The following CFAP52 variants were observed in gnomAD, a reference collection of about 807,000 sequenced individuals.
CFAP52 encodes the protein cilia- and flagella-associated protein 52.
In CFAP52, 57 loss-of-function variants were observed where a neutral mutation model predicts 70.5. The ratio of observed to expected loss-of-function variants is 0.81; its 90% CI spans 0.65 to 1.01. The LOEUF (loss-of-function observed/expected upper bound fraction) is 1.01, where lower values mean the gene tolerates loss of function less well. CFAP52 is among the 50% of genes least tolerant of loss of function. The probability of loss-of-function intolerance (pLI) is 0.00; values close to 1 mark genes in which losing one functional copy is unlikely to be tolerated. For missense variants in CFAP52, 785 were observed against 788.5 expected, an observed-to-expected ratio of 1.00 and a Z score of 0.05; for synonymous variants, 267 against 292.5, an observed-to-expected ratio of 0.91 and a Z score of 0.89.
In CFAP52 at chr17:9,623,432, C is replaced by G. The variant is rs149663084; in HGVS notation, c.1026-5240C>G. Among the ~76,000 whole-genome samples the G allele has an allele frequency of 3.3e-3, 506 of 152,188 alleles. 4 individuals are homozygous for G. The highest frequency in any genetic ancestry group is 0.012 in the African/African-American group (484 of 41,534). Reference sequence around the variant, plus strand: ...TTAATCCATTTACATTTAATATAATCTTTCATATGTTTGTATTAAATCTTT... The same window carrying G: ...TTAATCCATTTACATTTAATATAATGTTTCATATGTTTGTATTAAATCTTT... On this transcript the variant is annotated intron_variant, in intron 8 of 13. Transcript: ENST00000352665.
Position 9,586,280 on chromosome 17 carries a change from C to T in CFAP52, c.270+308C>T, listed in dbSNP as rs185352302. Reference sequence around the variant, plus strand: ...TCCGATTTCTAGAAAAGTGATAGAGCGGGCTGGGCGCGGTGGCTCATGCCT... The same window carrying T: ...TCCGATTTCTAGAAAAGTGATAGAGTGGGCTGGGCGCGGTGGCTCATGCCT... On this transcript the variant is annotated intron_variant, in intron 2 of 13. Transcript: ENST00000352665. Among the ~76,000 whole-genome samples, 418 of 151,900 alleles carry T rather than the reference C, an allele frequency of 2.8e-3. 2 individuals are homozygous for T. The highest frequency in any genetic ancestry group is 0.01 in the Middle Eastern group (3 of 294).
At chr17:9,589,801 C>CTTTTTTTTTTTTTT (rs3060109) in intron 3 of CFAP52, 1 of 93,186 alleles carries the variant, frequency 1.1e-5, no homozygotes, top group Non-Finnish European at 1.9e-5. Flanking sequence ...CTTAGCTCAA[C>CTTTTTTTTTTTTTT]TTTTTTTTTT....
Position 9,585,530 on chromosome 17 carries a change from G to A in CFAP52, c.71-243G>A, listed in dbSNP as rs184572959. 4.4e-3 allele frequency among the ~76,000 whole-genome samples: 668 copies of A among 152,232 alleles called. 2 individuals are homozygous for A. Among genetic ancestry groups the A allele is most frequent in the Non-Finnish European group, 6.2e-3 (422 of 68,032 alleles). ...AAAAATACAAAAAAAAATTAGCCAG[G>A]TGTGGTGGCGGGTGCCTGTAATCCC... is the stretch of plus-strand genomic sequence containing the variant. On this transcript the variant is annotated intron_variant, in intron 1 of 13. Coordinates refer to ENST00000352665, the MANE Select transcript of CFAP52 (RefSeq NM_145054.5).
intron 3 of CFAP52, chr17:9,590,415 C>G (rs1479998029): frequency 4.9e-6 from 1 of 205,092 alleles, no homozygotes; most frequent in South Asian, 9.5e-5. Flanking sequence ...GGGGTCCAAC[C>G]AGACCTTCTT....
At chr17:9,578,935 A>G (rs1349691335) in intron 1 of CFAP52, among the ~76,000 whole-genome samples, 1 of 152,100 alleles carries the variant, frequency 6.6e-6, no homozygotes, top group African/African-American at 2.4e-5. Flanking sequence ...TCTCTATTTT[A>G]ACATTAATGC....
At chr17:9,584,763 A>G (rs952585843) in intron 1 of CFAP52, among the ~76,000 whole-genome samples, 22 of 152,002 alleles carry the variant, frequency 1.4e-4, no homozygotes, top group Non-Finnish European at 2.4e-4. Context: ...CTGGGATTAC[A>G]GGTGCCCACC....
Position 9,576,706 on chromosome 17 carries a change from A to G in CFAP52, c.11A>G (p.Lys4Arg). 1 of 1,612,226 alleles carries G rather than the reference A, an allele frequency of 6.2e-7. No individual in the cohort carries two copies. The highest frequency in any genetic ancestry group is 8.5e-7 in the Non-Finnish European group (1 of 1,179,130). The change falls in exon 1 of 14, where the codon AAA becomes AGA. Residue 4 changes from lysine (K) to arginine (R), a missense_variant. By Grantham distance (26) the Lys-to-Arg change is conservative (BLOSUM62 2). Coordinates refer to ENST00000352665, the MANE Select transcript of CFAP52 (RefSeq NM_145054.5). MDN[K>R]ISPEAQVAEL... is the part of the protein sequence containing the mutation. ...CAGAACCTCCCAAGGATGGATAACA[A>G]AATTTCGCCGGAGGCCCAAGTGGCG...
intron 9 of CFAP52, among the ~76,000 whole-genome samples, 165 bp from the exon 10 acceptor site, chr17:9,632,723 T>C (rs549247981): frequency 3.4e-5 from 5 of 147,632 alleles, no homozygotes; most frequent in Non-Finnish European, 4.4e-5. Context: ...TGGCAACCTG[T>C]AGAAGGGAAA....
intron 12 of CFAP52, among the ~76,000 whole-genome samples, chr17:9,639,479 G>A (rs991300208): frequency 3.9e-5 from 6 of 151,926 alleles, no homozygotes; most frequent in Non-Finnish European, 8.8e-5. Flanking sequence ...CAGCTAAAGA[G>A]GAAGGTGAAG....
intron 8 of CFAP52, among the ~76,000 whole-genome samples, chr17:9,615,531 T>C (rs1011958925): frequency 1.3e-5 from 2 of 152,182 alleles, no homozygotes. Context: ...GTAGCTGTCA[T>C]GTTTTATTTG....
chr17:9,607,352 A>C (rs188619696), intron 6 of CFAP52, among the ~76,000 whole-genome samples: 218 of 152,356 alleles, frequency 1.4e-3, no homozygotes, highest in African/African-American at 4.7e-3. Flanking sequence ...CCTCAAAAAA[A>C]CAATAGTAAT....
intron 8 of CFAP52, among the ~76,000 whole-genome samples, chr17:9,613,239 C>A (rs1384355015): frequency 6.6e-6 from 1 of 150,628 alleles, no homozygotes; most frequent in Non-Finnish European, 1.5e-5. Context: ...GATCTAGTTG[C>A]TGTATTTCTT....
chr17:9,594,468 A>AT, intron 4 of CFAP52, 147 bp downstream of exon 4: 4 of 991,710 alleles, frequency 4.0e-6, no homozygotes, highest in Non-Finnish European at 5.5e-6. Flanking sequence ...GTACTCATTA[A>AT]AAGTTCTCTT....
At chr17:9,624,528 T>C (rs1910167319) in intron 8 of CFAP52, among the ~76,000 whole-genome samples, 1 of 152,056 alleles carries the variant, frequency 6.6e-6, no homozygotes, top group Non-Finnish European at 1.5e-5. Flanking sequence ...ATAATTATAA[T>C]ATTACATATA....
intron 12 of CFAP52, 79 bp from the exon 13 acceptor site, chr17:9,641,645 A>C (rs1342006182): frequency 2.0e-5 from 20 of 1,020,976 alleles, no homozygotes; most frequent in Non-Finnish European, 2.0e-5. Flanking sequence ...TATATAAAGT[A>C]GAGCCATCTT....
intron 1 of CFAP52, among the ~76,000 whole-genome samples, chr17:9,577,297 G>A (rs952311050): frequency 2.6e-5 from 4 of 152,208 alleles, no homozygotes; most frequent in Admixed American, 6.5e-5. Flanking sequence ...CCTAAGGAAG[G>A]TTTCTAAATG....
chr17:9,576,699 G>A lies in CFAP52; in HGVS notation c.4G>A (p.Asp2Asn), dbSNP rs376223932. 6.2e-7 allele frequency: 1 copy of A among 1,612,070 alleles called. No homozygotes were observed. Among genetic ancestry groups the A allele is most frequent in the Non-Finnish European group, 8.5e-7 (1 of 1,179,112 alleles). Residue 2 changes from aspartate to asparagine, a missense_variant, in exon 1 of 14, where the codon GAT becomes AAT. Physicochemically the swap from Asp to Asn is conservative, Grantham distance 23. Coordinates refer to ENST00000352665, the MANE Select transcript of CFAP52 (RefSeq NM_145054.5). The stretch of plus-strand genomic sequence containing the variant: ...AAGTAATCAGAACCTCCCAAGGATG[G>A]ATAACAAAATTTCGCCGGAGGCCCA... M[D>N]NKISPEAQVA...
downstream of CFAP52, chr17:9,644,939 A>G (rs567893741): frequency 2.6e-5 from 4 of 152,192 alleles, no homozygotes; most frequent in African/African-American, 9.7e-5. Context: ...TCTGTGGTGT[A>G]AAAAAGCAAA....
chr17:9,611,474 A>T (rs916825712), intron 7 of CFAP52, among the ~76,000 whole-genome samples: 1 of 151,296 alleles, frequency 6.6e-6, no homozygotes, highest in African/African-American at 2.4e-5. Flanking sequence ...TCTACCTCAG[A>T]CTCCCAAGTA....
Sources: gnomAD v4.1 joint callset for allele counts (sites outside exome capture counted in the v4.1 genomes callset) on GRCh38, gnomAD v4.1.1 for gene constraint, MANE v1.5 for transcripts, NCBI Gene and HGNC (gene_info 2026-07-23, HGNC 2026-07-21) for gene names.